TTC27: variants seen among roughly 807,000 people sequenced by gnomAD.
TTC27 encodes tetratricopeptide repeat protein 27.
In TTC27, 79 loss-of-function variants were observed where a neutral mutation model predicts 115.9. The observed-to-expected ratio is 0.68, with a 90% CI of 0.57 to 0.82. The LOEUF is 0.82. Ranked by LOEUF, TTC27 falls within the 40% of genes least tolerant of loss-of-function variation. The probability of loss-of-function intolerance (pLI) is 0.00; values close to 1 mark genes in which losing one functional copy is unlikely to be tolerated. For synonymous variants in TTC27, 401 were observed against 356.0 expected (o/e 1.13, Z -1.42); for missense variants, 1,054 against 993.1 (o/e 1.06, Z -0.82).
chr2:32,764,446 C>T lies in TTC27; in HGVS notation c.1680+5927C>T, dbSNP rs139079781. Among the ~76,000 whole-genome samples, 147 of 152,058 alleles carry T rather than the reference C, an allele frequency of 9.7e-4. 1 individual carries two copies. Among genetic ancestry groups the T allele is most frequent in the African/African-American group, 3.4e-3 (140 of 41,468 alleles). ...ACCTTAATTTAAACCTACTTTATTA[C>T]CAAAAAAAAATGCTAATGATTATCT... On this transcript the variant is annotated intron_variant, in intron 13 of 19. Coordinates refer to ENST00000317907, the MANE Select transcript of TTC27 (RefSeq NM_017735.5).
intron 16 of TTC27, among the ~76,000 whole-genome samples, chr2:32,801,123 G>C (rs1265785021): frequency 1.3e-5 from 2 of 152,150 alleles, no homozygotes; most frequent in Non-Finnish European, 2.9e-5. Flanking sequence ...ATTTCCAGAA[G>C]CCAGGAGAGT....
intron 5 of TTC27, among the ~76,000 whole-genome samples, chr2:32,661,845 C>T (rs1161308297): frequency 6.6e-6 from 1 of 152,102 alleles, no homozygotes; most frequent in African/African-American, 2.4e-5. Context: ...TGTCTTGTGC[C>T]AGTGTTCAGA....
chr2:32,732,549 G>A (rs1009771823), intron 10 of TTC27, among the ~76,000 whole-genome samples: 3 of 152,068 alleles, frequency 2.0e-5, no homozygotes, highest in Non-Finnish European at 4.4e-5. Flanking sequence ...GTAGATTCCC[G>A]TCCTTTTTTT....
At position 32,657,106 on chromosome 2, in the gene TTC27, C is replaced by T. The variant is rs189373860; in HGVS notation, c.640+6873C>T. Reference sequence around the variant, plus strand: ...GTTCATGCCATTCTCCTGCTTCAACCTCCTGAGAAGCTGGGACTACAGGTG... The same window carrying T: ...GTTCATGCCATTCTCCTGCTTCAACTTCCTGAGAAGCTGGGACTACAGGTG... On this transcript the variant is annotated intron_variant, in intron 5 of 19. Transcript: ENST00000317907. Among the ~76,000 whole-genome samples, 556 of 151,858 alleles carry T rather than the reference C, an allele frequency of 3.7e-3. 1 individual carries two copies. Among genetic ancestry groups the T allele is most frequent in the Non-Finnish European group, 5.5e-3 (377 of 67,950 alleles).
intron 3 of TTC27, among the ~76,000 whole-genome samples, chr2:32,637,143 G>A (rs188078812): frequency 5.3e-5 from 8 of 152,248 alleles, no homozygotes; most frequent in Admixed American, 5.2e-4. Flanking sequence ...GAGTGTCACA[G>A]GTAATGCTCT....
At chr2:32,654,730 C>T (rs186709059) in intron 5 of TTC27, among the ~76,000 whole-genome samples, 3 of 150,510 alleles carry the variant, frequency 2.0e-5, no homozygotes, top group Middle Eastern at 3.5e-3. Flanking sequence ...GAGTCTCGCT[C>T]TGTTGCCCAG....
At chr2:32,762,478 A>G (rs1669474644) in intron 13 of TTC27, among the ~76,000 whole-genome samples, 1 of 152,136 alleles carries the variant, frequency 6.6e-6, no homozygotes, top group Non-Finnish European at 1.5e-5. Flanking sequence ...GATAGCCATT[A>G]AAGGGTTGAT....
chr2:32,639,033 C>T (rs181221366), intron 3 of TTC27, among the ~76,000 whole-genome samples: 131 of 152,090 alleles, frequency 8.6e-4, no homozygotes, highest in Admixed American at 2.4e-3. Context: ...AGGGTTTCAC[C>T]GTGTTAGCCA....
Position 32,699,128 on chromosome 2 carries a change from A to G in TTC27, c.1120-3679A>G, listed in dbSNP as rs554790102. 2.6e-5 allele frequency among the ~76,000 whole-genome samples: 4 copies of G among 152,334 alleles called. No individual in the cohort carries two copies. The South Asian group carries it at 6.2e-4, about 24-fold the overall frequency. ...GTCCCTCTTTTTATCCCTTTCTTGC[A>G]GTGCACCCAACAGTATGTAAGGCAC... On this transcript the variant is annotated intron_variant, in intron 9 of 19. Transcript: ENST00000317907.
At chr2:32,646,101 TC>T (rs1369390651) in intron 4 of TTC27, among the ~76,000 whole-genome samples, 2 of 151,512 alleles carry the variant, frequency 1.3e-5, no homozygotes, top group Non-Finnish European at 2.9e-5. Context: ...CAATCTTGGC[TC>T]CCTGCAACCT....
At chr2:32,814,456 T>G (rs927799677) in intron 18 of TTC27, among the ~76,000 whole-genome samples, 1 of 152,190 alleles carries the variant, frequency 6.6e-6, no homozygotes, top group African/African-American at 2.4e-5. Context: ...CAAAGATAAA[T>G]CTTAATCATT....
intron 8 of TTC27, among the ~76,000 whole-genome samples, chr2:32,675,245 A>G (rs957886028): frequency 6.6e-6 from 1 of 152,172 alleles, no homozygotes; most frequent in Non-Finnish European, 1.5e-5. Flanking sequence ...ACTGACCCCA[A>G]ATTCTGAGTT....
At chr2:32,765,542 A>G (rs1669598288) in intron 13 of TTC27, among the ~76,000 whole-genome samples, 1 of 152,172 alleles carries the variant, frequency 6.6e-6, no homozygotes, top group Non-Finnish European at 1.5e-5. Flanking sequence ...CATTGGCTTC[A>G]GCCTAAAGTC....
intron 10 of TTC27, among the ~76,000 whole-genome samples, chr2:32,726,725 C>T (rs943357168): frequency 2.0e-5 from 3 of 152,210 alleles, no homozygotes; most frequent in Non-Finnish European, 4.4e-5. Flanking sequence ...CAGCAGCAAC[C>T]TACTCTACTG....
intron 10 of TTC27, among the ~76,000 whole-genome samples, chr2:32,725,680 C>T (rs1668084716): frequency 6.6e-6 from 1 of 152,192 alleles, no homozygotes; most frequent in Non-Finnish European, 1.5e-5. Flanking sequence ...ATTTACCATT[C>T]TGGGGTCTGG....
At chr2:32,691,648 C>T (rs1304405918) in intron 9 of TTC27, among the ~76,000 whole-genome samples, 1 of 152,060 alleles carries the variant, frequency 6.6e-6, no homozygotes, top group Non-Finnish European at 1.5e-5. Context: ...TCAAAATATC[C>T]TCTTATACAC....
chr2:32,675,480 T>G (rs756105698), intron 8 of TTC27, among the ~76,000 whole-genome samples: 1 of 152,116 alleles, frequency 6.6e-6, no homozygotes, highest in Non-Finnish European at 1.5e-5. Context: ...GGAATTTCAA[T>G]ATATAGAGCA....
chr2:32,763,015 G>C (rs1035290413), intron 13 of TTC27, among the ~76,000 whole-genome samples: 23 of 152,192 alleles, frequency 1.5e-4, no homozygotes, highest in African/African-American at 4.3e-4. Context: ...AGTGAGGGAA[G>C]TCACAGGGGA....
In TTC27 at chr2:32,711,842, A is replaced by C. The variant is rs564760475; in HGVS notation, c.1233+8922A>C. 1.0e-3 allele frequency among the ~76,000 whole-genome samples: 153 copies of C among 152,256 alleles called. 1 individual carries two copies. The highest frequency in any genetic ancestry group is 4.2e-3 in the Admixed American group (64 of 15,298). On this transcript the variant is annotated intron_variant, in intron 10 of 19. Transcript: ENST00000317907. ...GTAATCCCAGCTACTCAGGAAGCTG[A>C]GGCAGGAGAATTGCTTGAACCCATG...
Sources: gnomAD v4.1 joint callset for allele counts (sites outside exome capture counted in the v4.1 genomes callset) on GRCh38, gnomAD v4.1.1 for gene constraint, MANE v1.5 for transcripts, NCBI Gene and HGNC (gene_info 2026-07-23, HGNC 2026-07-21) for gene names.